Variants in GALM observed in about 807,000 individuals in gnomAD.
GALM encodes aldose 1-epimerase.
GALM carries 43 observed loss-of-function variants against 37.4 expected under a neutral mutation model. The ratio of observed to expected loss-of-function variants is 1.15; its 90% CI spans 0.90 to 1.48. GALM has a LOEUF of 1.48. Ranked by LOEUF, GALM falls within the 40% of genes most tolerant of loss-of-function variation. GALM has a pLI of 0.00. For missense variants in GALM, 456 were observed against 419.1 expected, an observed-to-expected ratio of 1.09 and a Z score of -0.77; for synonymous variants, 199 against 170.6, an observed-to-expected ratio of 1.17 and a Z score of -1.30.
chr2:38,679,727 C>A (rs573099755), intron 2 of GALM, among the ~76,000 whole-genome samples: 65 of 152,130 alleles, frequency 4.3e-4, no homozygotes, highest in Non-Finnish European at 7.9e-4. Flanking sequence ...CAGTCCAATG[C>A]CACACACTAG....
chr2:38,683,852 C>G (rs147144196), intron 3 of GALM, among the ~76,000 whole-genome samples: 1 of 152,308 alleles, frequency 6.6e-6, no homozygotes, highest in East Asian at 1.9e-4. Flanking sequence ...CAGGCGTGAG[C>G]CACCGCACCT....
At chr2:38,684,751 G>T (rs1401439687) in intron 3 of GALM, among the ~76,000 whole-genome samples, 3 of 152,166 alleles carry the variant, frequency 2.0e-5, no homozygotes, top group Admixed American at 6.5e-5. Flanking sequence ...AGGTTGCAGT[G>T]AGCCAAGATT....
In GALM at chr2:38,676,078, A is replaced by G. The variant is rs772602589; in HGVS notation, c.345+12A>G. 6.2e-7 allele frequency: 1 copy of G among 1,613,656 alleles called. No homozygotes were observed. Among genetic ancestry groups the G allele is most frequent in the South Asian group, 1.1e-5 (1 of 91,068 alleles). ...GAGGGTTTGATAAAGTAAGTACGGC[A>G]CATGTGACTGAGTTCCCTTTAGGCT... is the stretch of plus-strand genomic sequence containing the variant. On this transcript the variant is annotated intron_variant, in intron 2 of 6. Transcript: ENST00000272252.
At chr2:38,700,617 T>A (rs1171006489) in intron 4 of GALM, among the ~76,000 whole-genome samples, 1 of 152,196 alleles carries the variant, frequency 6.6e-6, no homozygotes, top group African/African-American at 2.4e-5. Flanking sequence ...TGTGTGTCGT[T>A]ACAGATGAAG....
Position 38,729,626 on chromosome 2 carries a change from G to A in GALM, c.705G>A (p.Gln235=). ...CAGTGGAGCTTGGAAAACACCTGCA[G>A]GACTTCCATCTCAATGGTTTTGACC... ...RKPVELGKHL[Q]DFHLNGFDHN... The change falls in exon 5 of 7, where the codon CAG becomes CAA. Residue 235 remains glutamine, a synonymous_variant. Coordinates refer to ENST00000272252, the MANE Select transcript of GALM (RefSeq NM_138801.3). 1 of 1,613,324 alleles carries A rather than the reference G, an allele frequency of 6.2e-7. No individual in the cohort carries two copies. The highest frequency in any genetic ancestry group is 1.1e-5 in the South Asian group (1 of 91,054).
chr2:38,682,255 C>A, intron 3 of GALM: 1 of 455,370 alleles, frequency 2.2e-6, no homozygotes, highest in Non-Finnish European at 4.4e-6. Context: ...CAGTTTAGCT[C>A]ATTGAGGAGG....
chr2:38,690,439 G>T (rs551189830), intron 4 of GALM, among the ~76,000 whole-genome samples: 1 of 151,932 alleles, frequency 6.6e-6, no homozygotes, highest in African/African-American at 2.4e-5. Context: ...TTTTTGGGAG[G>T]GGGGCGGTGC....
chr2:38,667,833 T>G (rs897355776), intron 1 of GALM, among the ~76,000 whole-genome samples: 1 of 152,024 alleles, frequency 6.6e-6, no homozygotes, highest in Non-Finnish European at 1.5e-5. Context: ...TGAGACCCCA[T>G]CTCAAAAAAA....
chr2:38,691,842 C>A (rs1158950135), intron 4 of GALM, among the ~76,000 whole-genome samples: 1 of 151,526 alleles, frequency 6.6e-6, no homozygotes, highest in East Asian at 1.9e-4. Context: ...AGGAACAACT[C>A]TTTATGTTGA....
intron 4 of GALM, among the ~76,000 whole-genome samples, chr2:38,705,807 G>A (rs1666023825): frequency 6.6e-6 from 1 of 152,104 alleles, no homozygotes; most frequent in African/African-American, 2.4e-5. Flanking sequence ...AGTCATGATT[G>A]TCTTTCTGGG....
chr2:38,701,975 G>A (rs1044717499), intron 4 of GALM, among the ~76,000 whole-genome samples: 1 of 152,000 alleles, frequency 6.6e-6, no homozygotes, highest in African/African-American at 2.4e-5. Context: ...TAGTCATCAG[G>A]TCCTACTGAT....
chr2:38,686,277 T>TTTCTTTCTTTCTTTCTTTCTTTCTC (rs1558582155), intron 3 of GALM, among the ~76,000 whole-genome samples: 2 of 112,466 alleles, frequency 1.8e-5, no homozygotes, highest in Non-Finnish European at 3.6e-5. Context: ...TCTTTCTTTC[T>TTTCTTTCTTTCTTTCTTTCTTTCTC]TATTTTGAGA....
intron 3 of GALM, 43 bp from the exon 4 acceptor site, chr2:38,689,770 A>T (rs1558583646): frequency 8.7e-7 from 1 of 1,155,538 alleles, no homozygotes; most frequent in East Asian, 2.4e-5. Context: ...AATATATGAA[A>T]TAAGACTAAG....
chr2:38,731,953 G>T, intron 6 of GALM, 44 bp downstream of exon 6: 2 of 1,503,176 alleles, frequency 1.3e-6, no homozygotes, highest in Non-Finnish European at 1.8e-6. Context: ...TGTGTCCAAG[G>T]TCACACTGTA....
chr2:38,692,892 A>G (rs557523468), intron 4 of GALM, among the ~76,000 whole-genome samples: 316 of 152,326 alleles, frequency 2.1e-3, no homozygotes, highest in African/African-American at 7.4e-3. Flanking sequence ...TGCAAGAAAT[A>G]GCAGGACTAG....
intron 4 of GALM, among the ~76,000 whole-genome samples, chr2:38,723,558 G>A (rs148748021): frequency 0.014 from 2,066 of 152,258 alleles, 39 homozygotes; most frequent in African/African-American, 0.047. Flanking sequence ...GGAAGCTGAG[G>A]CAGGAGGATC....
chr2:38,682,748 A>C (rs1665426263), intron 3 of GALM, among the ~76,000 whole-genome samples: 1 of 151,832 alleles, frequency 6.6e-6, no homozygotes, highest in Non-Finnish European at 1.5e-5. Context: ...AATACAACAT[A>C]AGCTGGGCAT....
rs547196277 is a variant in GALM at position 38,711,190 on chromosome 2, C to T, written c.635-18366C>T. ...TTTTTTTTTTTTTGAGACGGAGTCTCGCTCTGTTGCCCAGGCTGGCATGCA... is the reference window on the plus strand; with the variant it reads ...TTTTTTTTTTTTTGAGACGGAGTCTTGCTCTGTTGCCCAGGCTGGCATGCA... On this transcript the variant is annotated intron_variant, in intron 4 of 6. Transcript: ENST00000272252. 1.1e-4 allele frequency among the ~76,000 whole-genome samples: 16 copies of T among 142,772 alleles called. No individual in the cohort carries two copies. The South Asian group carries it at 1.4e-3, about 12-fold the overall frequency. 93.7% of individuals were successfully genotyped at this position (142,772 alleles called of 152,430 possible). A position where few individuals can be genotyped will look rare whatever the true frequency, so the allele number is the denominator to read the frequency against.
In GALM at chr2:38,676,010, C is replaced by A; in HGVS notation, c.289C>A (p.Leu97Met). Residue 97 changes from leucine to methionine, a missense_variant, in exon 2 of 7, where the codon CTG becomes ATG. Physicochemically the swap from Leu to Met is conservative, Grantham distance 15. Transcript: ENST00000272252. ...TFKVDGKEYH[L>M]AINKEPNSLH... ...CAAGGTGGATGGGAAGGAGTATCAC[C>A]TGGCCATTAACAAGGAACCCAACAG... The A allele has an allele frequency of 6.2e-7, 1 of 1,614,042 alleles. No homozygotes were observed. The highest frequency in any genetic ancestry group is 8.5e-7 in the Non-Finnish European group (1 of 1,179,960).
Sources: gnomAD v4.1 joint callset for allele counts (sites outside exome capture counted in the v4.1 genomes callset) on GRCh38, gnomAD v4.1.1 for gene constraint, MANE v1.5 for transcripts, NCBI Gene and HGNC (gene_info 2026-07-23, HGNC 2026-07-21) for gene names.